The following VSIG1 variants were observed in gnomAD, a reference collection of about 807,000 sequenced individuals.
VSIG1 encodes the protein V-set and immunoglobulin domain-containing protein 1.
A neutral mutation model predicts 20.1 loss-of-function variants in VSIG1; 11 were observed. The observed-to-expected ratio is 0.55, with a 90% confidence interval of 0.34 to 0.91. The LOEUF is 0.91. Ranked by LOEUF, VSIG1 falls within the 40% of genes least tolerant of loss-of-function variation. The pLI is 0.02. For missense variants in VSIG1, 283 were observed against 298.8 expected (o/e 0.95, Z 0.39); for synonymous variants, 126 against 116.7 (o/e 1.08, Z -0.52).
At chrX:108,029,855 G>A in the VSIG1 span, among the ~76,000 whole-genome samples, 1 of 111,648 alleles carries the variant, frequency 9.0e-6, no homozygotes. Flanking sequence ...GAAAGCAGAA[G>A]AGTAGGGAGG....
chrX:108,053,186 G>A (rs967867682), intron 1 of VSIG1, among the ~76,000 whole-genome samples: 31 of 112,391 alleles, frequency 2.8e-4, no homozygotes, highest in African/African-American at 9.0e-4. Context: ...ATGATAAAGA[G>A]CAATCAGGAA....
At position 108,047,957 on chromosome X, in the gene VSIG1, CACACATATATATAT is replaced by C. The variant is rs1274991550; in HGVS notation, c.49+2780_49+2793del. On this transcript the variant is annotated intron_variant, in intron 1 of 6. Transcript: ENST00000217957. ...ATACACATATATATATATATATACACACACATATATATATATATATATATATATATATATATATA... is the reference window on the plus strand; with the variant it reads ...ATACACATATATATATATATATACACATATATATATATATATATATATATA... 9.3e-4 allele frequency among the ~76,000 whole-genome samples: 24 copies of C among 25,896 alleles called. 1 individual carries two copies. Among genetic ancestry groups the C allele is most frequent in the African/African-American group, 3.0e-3 (11 of 3,685 alleles). 22.5% of individuals were successfully genotyped at this position (25,896 alleles called of 115,157 possible).
At chrX:108,061,011 G>A (rs2031008625) in intron 2 of VSIG1, among the ~76,000 whole-genome samples, 1 of 112,349 alleles carries the variant, frequency 8.9e-6, no homozygotes, top group Non-Finnish European at 1.9e-5. Flanking sequence ...CCCAAGATCA[G>A]CTTCGAGTTC....
the VSIG1 span, among the ~76,000 whole-genome samples, chrX:108,022,040 T>C: frequency 1.8e-5 from 2 of 111,807 alleles, no homozygotes; most frequent in Admixed American, 9.5e-5. Context: ...TTTAGGTCCC[T>C]TGTATTTCCG....
chrX:108,065,858 T>C (rs1447590567), intron 2 of VSIG1, among the ~76,000 whole-genome samples: 1 of 112,109 alleles, frequency 8.9e-6, no homozygotes, highest in Non-Finnish European at 1.9e-5. Context: ...ATATCATACT[T>C]TGGAAAACAT....
intron 1 of VSIG1, among the ~76,000 whole-genome samples, chrX:108,054,877 T>C (rs1451001273): frequency 9.3e-6 from 1 of 107,485 alleles, no homozygotes; most frequent in Admixed American, 1.0e-4. Context: ...AGGTCTTAAG[T>C]CAATAACCTA....
At chrX:108,047,987 T>C (rs1359291673) in intron 1 of VSIG1, among the ~76,000 whole-genome samples, 7 of 72,583 alleles carry the variant, frequency 9.6e-5, no homozygotes, top group East Asian at 4.4e-4. Flanking sequence ...TATATATATA[T>C]ATATATATAT....
At chrX:108,060,272 T>C (rs2030994964) in intron 2 of VSIG1, among the ~76,000 whole-genome samples, 1 of 111,821 alleles carries the variant, frequency 8.9e-6, no homozygotes, top group Non-Finnish European at 1.9e-5. Context: ...TTTTGGAATG[T>C]CCACATCAAA....
At position 108,047,875 on chromosome X, in the gene VSIG1, T is replaced by TATATATATATACAC. The variant is rs1569287171; in HGVS notation, c.49+2698_49+2711dup. 1.6e-3 allele frequency among the ~76,000 whole-genome samples: 47 copies of TATATATATATACAC among 28,728 alleles called. 3 individuals are homozygous for TATATATATATACAC. Among genetic ancestry groups the TATATATATATACAC allele is most frequent in the Non-Finnish European group, 2.2e-3 (42 of 18,807 alleles). 24.9% of individuals were successfully genotyped at this position (28,728 alleles called of 115,157 possible). ...ATATATACACATATATATATACACA[T>TATATATATATACAC]ATATATATATACACACATATATATA... On this transcript the variant is annotated intron_variant, in intron 1 of 6. Transcript: ENST00000217957.
At chrX:108,023,895 G>A in the VSIG1 span, among the ~76,000 whole-genome samples, 1 of 111,610 alleles carries the variant, frequency 9.0e-6, no homozygotes, top group Non-Finnish European at 1.9e-5. Context: ...ATTCTGGTGG[G>A]TTTTTGGACA....
chrX:108,067,253 T>C (rs1169685923), intron 3 of VSIG1, 119 bp downstream of exon 3: 1 of 759,054 alleles, frequency 1.3e-6, no homozygotes, highest in Admixed American at 2.9e-5. Context: ...CCCTAATATT[T>C]TCATTATCAG....
At chrX:108,047,393 T>A (rs988952903) in intron 1 of VSIG1, among the ~76,000 whole-genome samples, 1 of 111,633 alleles carries the variant, frequency 9.0e-6, no homozygotes, top group African/African-American at 3.3e-5. Flanking sequence ...CTGCAAAAAA[T>A]TTATGCATAT....
the VSIG1 span, among the ~76,000 whole-genome samples, chrX:108,034,465 T>C: frequency 8.9e-6 from 1 of 111,901 alleles, no homozygotes; most frequent in Non-Finnish European, 1.9e-5. Flanking sequence ...TACTCTGATA[T>C]CGTCAATTGT....
the VSIG1 span, among the ~76,000 whole-genome samples, chrX:108,031,937 C>G: frequency 4.5e-5 from 5 of 112,234 alleles, no homozygotes; most frequent in East Asian, 8.5e-4. Context: ...AGCCTTGCTT[C>G]TACCAACATC....
At chrX:108,056,097 G>A (rs975819674) in intron 1 of VSIG1, among the ~76,000 whole-genome samples, 3 of 111,753 alleles carry the variant, frequency 2.7e-5, no homozygotes, top group African/African-American at 9.8e-5. Context: ...AAGGACAACA[G>A]TCATTGAATT....
chrX:108,045,670 T>C (rs1339850702), intron 1 of VSIG1, among the ~76,000 whole-genome samples: 1 of 112,148 alleles, frequency 8.9e-6, no homozygotes, highest in Non-Finnish European at 1.9e-5. Flanking sequence ...GGTTTTCCAA[T>C]CCTAAGACTG....
the VSIG1 span, among the ~76,000 whole-genome samples, chrX:108,030,353 T>C: frequency 8.9e-6 from 1 of 111,909 alleles, no homozygotes; most frequent in East Asian, 2.8e-4. Flanking sequence ...AACATGGAAC[T>C]TCCTTGACAC....
At chrX:108,021,595 T>C in the VSIG1 span, among the ~76,000 whole-genome samples, 1 of 112,727 alleles carries the variant, frequency 8.9e-6, no homozygotes, top group East Asian at 2.8e-4. Context: ...CTATTGCTTA[T>C]ACTTTTGGTG....
chrX:108,045,707 A>T (rs2030558427), intron 1 of VSIG1, among the ~76,000 whole-genome samples: 1 of 112,328 alleles, frequency 8.9e-6, no homozygotes, highest in South Asian at 3.7e-4. Flanking sequence ...TGAGTGATTT[A>T]TGGTGCACAA....
Sources: allele counts gnomAD v4.1 joint callset (sites outside exome capture counted in the v4.1 genomes callset), GRCh38; gene constraint gnomAD v4.1.1; transcripts MANE v1.5; gene names NCBI Gene and HGNC (gene_info 2026-07-23, HGNC 2026-07-21).